Variants in KDM4C observed in about 807,000 individuals in gnomAD.
The protein encoded by KDM4C is lysine demethylase 4C, also known as lysine-specific demethylase 4C.
KDM4C carries 81 observed loss-of-function variants against 129.3 expected under a neutral mutation model. The observed-to-expected ratio is 0.63, with a 90% CI of 0.52 to 0.75. The LOEUF (loss-of-function observed/expected upper bound fraction) is 0.75. KDM4C is among the 30% of genes least tolerant of loss of function. The probability of loss-of-function intolerance (pLI) is 0.00; values close to 1 mark genes in which losing one functional copy is unlikely to be tolerated. For missense variants in KDM4C, 1,457 were observed against 1,304.0 expected (o/e 1.12, Z -1.81); for synonymous variants, 573 against 456.1 (o/e 1.26, Z -3.26).
chr9:7,128,800 G>C (rs114142516), intron 19 of KDM4C, among the ~76,000 whole-genome samples: 1 of 152,134 alleles, frequency 6.6e-6, no homozygotes, highest in Admixed American at 6.5e-5. Flanking sequence ...GCGTGTGTGT[G>C]TGTCTGGCTG....
chr9:7,047,979 G>T, intron 16 of KDM4C, among the ~76,000 whole-genome samples: 1 of 152,034 alleles, frequency 6.6e-6, no homozygotes, highest in South Asian at 2.1e-4. Context: ...TGGGAAGGAG[G>T]AGTGAAGGTA....
At chr9:6,903,797 A>G (rs1327692894) in intron 8 of KDM4C, among the ~76,000 whole-genome samples, 1 of 152,216 alleles carries the variant, frequency 6.6e-6, no homozygotes. Context: ...CACCCTTTCT[A>G]GTTTATTAAA....
chr9:6,934,933 G>A (rs1470009283), intron 8 of KDM4C, among the ~76,000 whole-genome samples: 6 of 150,268 alleles, frequency 4.0e-5, no homozygotes, highest in Non-Finnish European at 8.9e-5. Context: ...TCTCAACCAT[G>A]TGTGCACATA....
intron 5 of KDM4C, among the ~76,000 whole-genome samples, chr9:6,852,460 C>G (rs1238177524): frequency 6.6e-6 from 1 of 152,176 alleles, no homozygotes; most frequent in Non-Finnish European, 1.5e-5. Context: ...GATTCTGTGA[C>G]TCATGATCAG....
At chr9:7,083,213 T>C (rs1234983392) in intron 17 of KDM4C, among the ~76,000 whole-genome samples, 1 of 152,206 alleles carries the variant, frequency 6.6e-6, no homozygotes, top group Non-Finnish European at 1.5e-5. Flanking sequence ...GATTTTGGAT[T>C]TTGTAATACT....
chr9:7,056,580 C>T (rs1830901423), intron 17 of KDM4C, among the ~76,000 whole-genome samples: 1 of 152,114 alleles, frequency 6.6e-6, no homozygotes, highest in African/African-American at 2.4e-5. Context: ...GAAATGTTAT[C>T]TTGTTACTAT....
At chr9:7,041,348 A>G (rs916584505) in intron 15 of KDM4C, among the ~76,000 whole-genome samples, 1 of 152,066 alleles carries the variant, frequency 6.6e-6, no homozygotes, top group African/African-American at 2.4e-5. Context: ...TTTTATATAA[A>G]GGACTTCAGC....
At chr9:7,014,022 T>C (rs1823191111) in intron 14 of KDM4C, 21 bp downstream of exon 14, 1 of 1,586,458 alleles carries the variant, frequency 6.3e-7, no homozygotes, top group Non-Finnish European at 8.6e-7. Context: ...CTATAATTCA[T>C]CAATCACTGG....
chr9:6,753,210 C>T (rs967047193), upstream of KDM4C, among the ~76,000 whole-genome samples: 2 of 152,192 alleles, frequency 1.3e-5, no homozygotes, highest in African/African-American at 2.4e-5. Context: ...TCAGTTTGGA[C>T]TGTCTTTCCA....
rs746633438 is a variant in KDM4C at position 6,893,213 on chromosome 9, A to T, written c.902A>T (p.Tyr301Phe). Residue 301 changes from tyrosine to phenylalanine, a missense_variant, in exon 8 of 22, where the codon TAT (tyrosine) becomes TTT (phenylalanine). Coordinates refer to ENST00000381309, the MANE Select transcript of KDM4C (RefSeq NM_015061.6). ...TTTGCTACTGTCAGATGGATTGACTATGGAAAAGTTGCCAAATTGGTAAGC... is the reference window on the plus strand; with the variant it reads ...TTTGCTACTGTCAGATGGATTGACTTTGGAAAAGTTGCCAAATTGGTAAGC... ...TNFATVRWID[Y>F]GKVAKLCTCR... The T allele has an allele frequency of 3.7e-6, 6 of 1,610,122 alleles. No homozygotes were observed. In the East Asian group the frequency reaches 1.1e-4, roughly 30 times the overall value.
intron 1 of KDM4C, among the ~76,000 whole-genome samples, chr9:6,762,619 C>T (rs1819775593): frequency 6.8e-6 from 1 of 146,210 alleles, no homozygotes; most frequent in East Asian, 2.0e-4. Context: ...AGGTCATTGT[C>T]TTTATATTAT....
chr9:7,062,702 C>G (rs1022656922), intron 17 of KDM4C, among the ~76,000 whole-genome samples: 2 of 151,846 alleles, frequency 1.3e-5, no homozygotes, highest in Non-Finnish European at 2.9e-5. Context: ...TTTTTCCCCA[C>G]CATTTGAACT....
At chr9:6,799,906 T>C (rs963936434) in intron 2 of KDM4C, among the ~76,000 whole-genome samples, 4 of 152,210 alleles carry the variant, frequency 2.6e-5, no homozygotes, top group African/African-American at 9.6e-5. Context: ...ATTCATATAG[T>C]CTGATTGTTC....
intron 1 of KDM4C, 90 bp from the exon 2 acceptor site, chr9:6,792,882 T>C (rs1485853444): frequency 7.0e-6 from 9 of 1,284,948 alleles, no homozygotes; most frequent in Non-Finnish European, 1.0e-5. Context: ...AGAGAAGGGT[T>C]CCTGCTGGGG....
intron 8 of KDM4C, among the ~76,000 whole-genome samples, chr9:6,927,093 A>ATCTG (rs762997946): frequency 1.6e-4 from 9 of 54,966 alleles, no homozygotes; most frequent in South Asian, 1.3e-3. Context: ...AAAATTTTCT[A>ATCTG]TCTATCTATC....
At chr9:6,957,205 A>T (rs1829219128) in intron 8 of KDM4C, among the ~76,000 whole-genome samples, 2 of 152,224 alleles carry the variant, frequency 1.3e-5, no homozygotes, top group South Asian at 4.1e-4. Flanking sequence ...TCTCCCTGGC[A>T]CACAGCTGCT....
chr9:6,907,368 C>G (rs1441230084), intron 8 of KDM4C, among the ~76,000 whole-genome samples: 1 of 152,052 alleles, frequency 6.6e-6, no homozygotes, highest in Admixed American at 6.6e-5. Flanking sequence ...GTGAGGTTGA[C>G]ATTCATTTAT....
chr9:6,803,848 G>A (rs1588383950), intron 2 of KDM4C, among the ~76,000 whole-genome samples: 1 of 152,026 alleles, frequency 6.6e-6, no homozygotes, highest in East Asian at 1.9e-4. Context: ...ATTTGTTTAT[G>A]AGATGGACTG....
chr9:7,149,403 G>C (rs80141310), intron 19 of KDM4C, among the ~76,000 whole-genome samples: 4,040 of 152,342 alleles, frequency 0.027, 155 homozygotes, highest in African/African-American at 0.082. Context: ...GACCCTGAGA[G>C]CACAGGGATG....
Sources: gnomAD v4.1 joint callset for allele counts (sites outside exome capture counted in the v4.1 genomes callset) on GRCh38, gnomAD v4.1.1 for gene constraint, MANE v1.5 for transcripts, NCBI Gene and HGNC (gene_info 2026-07-23, HGNC 2026-07-21) for gene names.